The following CPNE4 variants were observed in gnomAD, a reference collection of about 807,000 sequenced individuals.
The protein encoded by CPNE4 is copine 4.
CPNE4 carries 25 observed loss-of-function variants against 67.9 expected under a neutral mutation model. The ratio of observed to expected loss-of-function variants is 0.37; its 90% confidence interval spans 0.27 to 0.51. CPNE4 has a LOEUF of 0.51. CPNE4 is among the 20% of genes least tolerant of loss of function. The pLI, the probability that CPNE4 is intolerant of heterozygous loss-of-function variation, is 0.93. For synonymous variants in CPNE4, 242 were observed against 244.9 expected (o/e 0.99, Z 0.11); for missense variants, 464 against 690.8 (o/e 0.67, Z 3.68).
chr3:131,688,078 T>C (rs77221637), intron 5 of CPNE4, among the ~76,000 whole-genome samples: 3 of 152,160 alleles, frequency 2.0e-5, no homozygotes, highest in Admixed American at 6.5e-5. Context: ...GGGGGAATCA[T>C]TGAAGGATTT....
intron 7 of CPNE4, among the ~76,000 whole-genome samples, chr3:131,592,917 G>A (rs964851241): frequency 6.6e-6 from 1 of 152,164 alleles, no homozygotes; most frequent in Admixed American, 6.5e-5. Context: ...ATGGATAAGT[G>A]GGTCTGAGGG....
rs181850631 is a variant in CPNE4 at position 131,946,018 on chromosome 3, T to C, written c.-1-40574A>G. ...GCCATAATTTTTTAGAAATAACTTATTGAGGCGAAATTCACATTACATAGA... is the reference window on the plus strand; with the variant it reads ...GCCATAATTTTTTAGAAATAACTTACTGAGGCGAAATTCACATTACATAGA... On this transcript the variant is annotated intron_variant, in intron 1 of 15. Transcript: ENST00000429747. Among the ~76,000 whole-genome samples the C allele has an allele frequency of 1.5e-3, 233 of 152,322 alleles. 1 individual carries two copies. The highest frequency in any genetic ancestry group is 5.5e-3 in the African/African-American group (227 of 41,568).
At chr3:131,726,368 A>G (rs2107751697) in intron 2 of CPNE4, among the ~76,000 whole-genome samples, 1 of 152,340 alleles carries the variant, frequency 6.6e-6, no homozygotes, top group Non-Finnish European at 1.5e-5. Flanking sequence ...CGAAATGACA[A>G]GATGGAAAGA....
chr3:132,039,492 T>G (rs1020607265), upstream of CPNE4: 2 of 152,252 alleles, frequency 1.3e-5, no homozygotes, highest in African/African-American at 4.8e-5. Flanking sequence ...TAGCTAAATA[T>G]TATTTCTAAC....
intron 1 of CPNE4, among the ~76,000 whole-genome samples, chr3:131,950,172 A>G (rs892927137): frequency 6.6e-6 from 1 of 152,228 alleles, no homozygotes; most frequent in Non-Finnish European, 1.5e-5. Context: ...TTGTCAATCA[A>G]TCAATAAAAA....
At chr3:131,727,535 G>T (rs1382466054) in intron 2 of CPNE4, among the ~76,000 whole-genome samples, 1 of 152,034 alleles carries the variant, frequency 6.6e-6, no homozygotes, top group African/African-American at 2.4e-5. Flanking sequence ...AACACTTTTG[G>T]AAGGCCTGCT....
At chr3:131,819,342 C>T (rs966457094) in intron 2 of CPNE4, among the ~76,000 whole-genome samples, 5 of 152,114 alleles carry the variant, frequency 3.3e-5, no homozygotes, top group African/African-American at 1.2e-4. Flanking sequence ...AATAAGAGAA[C>T]AATTTGATCT....
intron 2 of CPNE4, among the ~76,000 whole-genome samples, chr3:131,842,793 T>TA (rs1583307446): frequency 1.4e-5 from 2 of 138,326 alleles, no homozygotes; most frequent in East Asian, 4.2e-4. Flanking sequence ...GAATTGTAAA[T>TA]AAAAAAAATT....
chr3:131,541,228 A>C (rs1423291341), intron 15 of CPNE4, among the ~76,000 whole-genome samples: 1 of 152,216 alleles, frequency 6.6e-6, no homozygotes, highest in East Asian at 1.9e-4. Context: ...CTTCAGGACT[A>C]CCATTAGCCC....
chr3:131,968,375 A>G (rs577621255), intron 1 of CPNE4, among the ~76,000 whole-genome samples: 1 of 152,302 alleles, frequency 6.6e-6, no homozygotes, highest in Non-Finnish European at 1.5e-5. Context: ...AACTAAACTA[A>G]AGAGCTTCTG....
intron 2 of CPNE4, among the ~76,000 whole-genome samples, chr3:131,829,291 T>C (rs1302940469): frequency 6.6e-6 from 1 of 152,214 alleles, no homozygotes; most frequent in Non-Finnish European, 1.5e-5. Context: ...TTTGCTGAAG[T>C]TTGGTTAATG....
intron 2 of CPNE4, among the ~76,000 whole-genome samples, chr3:131,881,472 G>A (rs1034930520): frequency 1.3e-5 from 2 of 151,516 alleles, no homozygotes; most frequent in Non-Finnish European, 2.9e-5. Flanking sequence ...TATTCTCCCC[G>A]TGGTAGTGAG....
intron 2 of CPNE4, among the ~76,000 whole-genome samples, chr3:131,843,678 G>A (rs544596848): frequency 2.0e-5 from 3 of 152,272 alleles, no homozygotes; most frequent in South Asian, 4.1e-4. Context: ...CTCCCTGAGC[G>A]TCAGTTTTAT....
At chr3:131,754,868 C>T (rs1220702841) in intron 2 of CPNE4, among the ~76,000 whole-genome samples, 1 of 152,086 alleles carries the variant, frequency 6.6e-6, no homozygotes, top group Non-Finnish European at 1.5e-5. Flanking sequence ...CTGTTAAATA[C>T]TATCTTTAAG....
At chr3:131,721,121 T>C (rs899020431) in intron 3 of CPNE4, among the ~76,000 whole-genome samples, 1 of 152,192 alleles carries the variant, frequency 6.6e-6, no homozygotes, top group African/African-American at 2.4e-5. Flanking sequence ...AATTAATTGT[T>C]GTGTAATTAT....
chr3:131,593,135 TTAAAG>T (rs1489210640), intron 7 of CPNE4, among the ~76,000 whole-genome samples: 1 of 152,220 alleles, frequency 6.6e-6, no homozygotes, highest in African/African-American at 2.4e-5. Flanking sequence ...TCAGTTTACT[TTAAAG>T]TAAAGAAGGT....
At chr3:131,539,254 A>G (rs909689943) in intron 15 of CPNE4, among the ~76,000 whole-genome samples, 1 of 152,202 alleles carries the variant, frequency 6.6e-6, no homozygotes, top group Non-Finnish European at 1.5e-5. Flanking sequence ...GAATCTGTGT[A>G]GCACAGAGAC....
intron 7 of CPNE4, among the ~76,000 whole-genome samples, chr3:131,641,299 G>A (rs1176391660): frequency 6.6e-6 from 1 of 151,602 alleles, no homozygotes; most frequent in Non-Finnish European, 1.5e-5. Flanking sequence ...AATCTACAAA[G>A]TACTCAAACA....
At chr3:131,627,508 T>C (rs962466840) in intron 7 of CPNE4, among the ~76,000 whole-genome samples, 1 of 138,522 alleles carries the variant, frequency 7.2e-6, no homozygotes, top group African/African-American at 3.4e-5. Flanking sequence ...AGGTGTAATT[T>C]TGACTTTCCA....
Sources: allele counts gnomAD v4.1 joint callset (sites outside exome capture counted in the v4.1 genomes callset), GRCh38; gene constraint gnomAD v4.1.1; transcripts MANE v1.5; gene names NCBI Gene and HGNC (gene_info 2026-07-23, HGNC 2026-07-21).